RYR2: variants seen among roughly 807,000 people sequenced by gnomAD.
RYR2 encodes cardiac muscle ryanodine receptor-calcium release channel.
RYR2 carries 227 observed loss-of-function variants against 601.1 expected under a neutral mutation model. That is an observed-to-expected ratio of 0.38 (90% CI 0.34 to 0.42). The LOEUF (loss-of-function observed/expected upper bound fraction) is 0.42, where lower values mean the gene tolerates loss of function less well. RYR2 is among the 10% of genes least tolerant of loss of function. The pLI is 1.00. For synonymous variants in RYR2, 2,223 were observed against 2,175.1 expected (o/e 1.02, Z -0.61); for missense variants, 4,646 against 6,156.5 (o/e 0.75, Z 8.21).
chr1:237,500,323 A>T (rs1664497095), intron 20 of RYR2, among the ~76,000 whole-genome samples: 2 of 152,146 alleles, frequency 1.3e-5, no homozygotes, highest in African/African-American at 4.8e-5. Context: ...CATCCAAATT[A>T]AGAGAGGTTA....
intron 29 of RYR2, among the ~76,000 whole-genome samples, chr1:237,574,160 G>C (rs1017580780): frequency 5.9e-5 from 9 of 152,176 alleles, no homozygotes. Flanking sequence ...TTTGGGGAAG[G>C]CAAAAGGATT....
rs535642199 is a variant in RYR2, at chr1:237,516,956, G to A, written c.2822+5165G>A. ...GTCTTTATTCTGCACACAGCAGCCT[G>A]AGTTCATACACACACGTGCATTCAT... On this transcript the variant is annotated intron_variant, in intron 24 of 104. Transcript: ENST00000366574. 2.2e-4 allele frequency among the ~76,000 whole-genome samples: 34 copies of A among 152,238 alleles called. No homozygotes were observed. The South Asian group carries it at 6.9e-3, about 31-fold the overall frequency.
At chr1:237,350,603 ATATATATATATAT>A (rs1202659659) in intron 3 of RYR2, among the ~76,000 whole-genome samples, 1 of 49,978 alleles carries the variant, frequency 2.0e-5, no homozygotes, top group African/African-American at 1.0e-4. Flanking sequence ...AAAAAAAAAA[ATATATATATATAT>A]ATATATATAT....
At chr1:237,623,729 C>A in intron 38 of RYR2, 36 bp from the exon 39 acceptor site, 1 of 1,376,842 alleles carries the variant, frequency 7.3e-7, no homozygotes, top group Non-Finnish European at 1.0e-6. Context: ...TCTTTTCTTC[C>A]TCCTTCTTCC....
intron 4 of RYR2, among the ~76,000 whole-genome samples, chr1:237,359,052 T>G (rs1699546701): frequency 6.6e-6 from 1 of 152,112 alleles, no homozygotes; most frequent in South Asian, 2.1e-4. Context: ...GCTCCTCCAG[T>G]TAGGGTGAGG....
intron 17 of RYR2, among the ~76,000 whole-genome samples, chr1:237,478,652 AACTT>A (rs112687558): frequency 0.03 from 4,504 of 148,276 alleles, 232 homozygotes; most frequent in African/African-American, 0.11. Context: ...TAAATATATT[AACTT>A]ACTTAATCTA....
At chr1:237,325,610 C>T (rs1001230074) in intron 2 of RYR2, among the ~76,000 whole-genome samples, 4 of 151,926 alleles carry the variant, frequency 2.6e-5, no homozygotes, top group East Asian at 1.9e-4. Flanking sequence ...ATGGCGTGAA[C>T]GTGGGTGGAG....
intron 101 of RYR2, among the ~76,000 whole-genome samples, chr1:237,824,278 A>G (rs560700685): frequency 2.0e-5 from 3 of 152,302 alleles, no homozygotes; most frequent in South Asian, 4.1e-4. Context: ...AAAATCCTCA[A>G]TAAATTACTG....
At chr1:237,636,721 T>C (rs1458765704) in intron 44 of RYR2, among the ~76,000 whole-genome samples, 2 of 152,200 alleles carry the variant, frequency 1.3e-5, no homozygotes, top group Admixed American at 6.5e-5. Flanking sequence ...ACACAAAGAC[T>C]TGGGCATGAA....
intron 1 of RYR2, among the ~76,000 whole-genome samples, chr1:237,070,063 C>G (rs537347386): frequency 7.9e-6 from 1 of 126,746 alleles, no homozygotes; most frequent in Non-Finnish European, 1.6e-5. Context: ...CACAATCTTA[C>G]TGTGTTGCCC....
intron 58 of RYR2, among the ~76,000 whole-genome samples, chr1:237,670,959 T>C (rs1010821943): frequency 2.0e-5 from 3 of 152,188 alleles, no homozygotes; most frequent in Admixed American, 6.5e-5. Context: ...TAGAAAATCA[T>C]CATTATTTAA....
At position 237,358,553 on chromosome 1, in the gene RYR2, C is replaced by G. The variant is rs181150072; in HGVS notation, c.294+2568C>G. Among the ~76,000 whole-genome samples, 486 of 152,112 alleles carry G rather than the reference C, an allele frequency of 3.2e-3. 2 individuals carry two copies. The highest frequency in any genetic ancestry group is 0.011 in the African/African-American group (464 of 41,526). On this transcript the variant is annotated intron_variant, in intron 4 of 104. Transcript: ENST00000366574. ...AGCTTCTATCCCCAGAAAACTCTGACCTGAGCTTCTCTTGCTGCAGACAAA... is the reference window on the plus strand; with the variant it reads ...AGCTTCTATCCCCAGAAAACTCTGAGCTGAGCTTCTCTTGCTGCAGACAAA...
At chr1:237,356,853 A>C (rs1311951979) in intron 4 of RYR2, among the ~76,000 whole-genome samples, 3 of 152,182 alleles carry the variant, frequency 2.0e-5, no homozygotes, top group African/African-American at 7.2e-5. Context: ...GAGGCTTTTC[A>C]TTATTGAAAT....
At chr1:237,344,132 G>A (rs1698084254) in intron 3 of RYR2, among the ~76,000 whole-genome samples, 1 of 152,132 alleles carries the variant, frequency 6.6e-6, no homozygotes, top group Admixed American at 6.5e-5. Context: ...CCCCATAAGG[G>A]GTTTTTAGTT....
At chr1:237,057,475 G>A (rs1662313311) in intron 1 of RYR2, among the ~76,000 whole-genome samples, 1 of 152,108 alleles carries the variant, frequency 6.6e-6, no homozygotes, top group Admixed American at 6.5e-5. Context: ...GTGAGCCACC[G>A]CGCCTGGCCC....
At chr1:237,616,031 T>C (rs921387177) in intron 37 of RYR2, among the ~76,000 whole-genome samples, 5 of 151,864 alleles carry the variant, frequency 3.3e-5, no homozygotes, top group Non-Finnish European at 7.4e-5. Context: ...GGAAAATCGA[T>C]AAGGGAGGAA....
At chr1:237,366,291 G>A (rs112504553) in intron 5 of RYR2, among the ~76,000 whole-genome samples, 8 of 152,310 alleles carry the variant, frequency 5.3e-5, no homozygotes, top group African/African-American at 1.9e-4. Flanking sequence ...CATGTCAAAT[G>A]GATGTCTTGA....
chr1:237,736,367 A>G (rs968670054), intron 79 of RYR2, among the ~76,000 whole-genome samples: 4 of 151,472 alleles, frequency 2.6e-5, no homozygotes, highest in South Asian at 4.2e-4. Flanking sequence ...AGGCTGAGGC[A>G]GGAGAATTGC....
chr1:237,083,211 C>T (rs1198701812), intron 1 of RYR2, among the ~76,000 whole-genome samples: 1 of 152,140 alleles, frequency 6.6e-6, no homozygotes, highest in Non-Finnish European at 1.5e-5. Flanking sequence ...TTGGTGCATG[C>T]TTTGAAGTGA....
Sources: allele counts gnomAD v4.1 joint callset (sites outside exome capture counted in the v4.1 genomes callset), GRCh38; gene constraint gnomAD v4.1.1; transcripts MANE v1.5; gene names NCBI Gene and HGNC (gene_info 2026-07-23, HGNC 2026-07-21).